Variants in CETP observed in about 807,000 individuals in gnomAD.
CETP encodes cholesteryl ester transfer protein.
A neutral mutation model predicts 66.5 loss-of-function variants in CETP; 56 were observed. That is an observed-to-expected ratio of 0.84 (90% CI 0.68 to 1.05). The LOEUF is 1.05. CETP is among the 50% of genes least tolerant of loss of function. The pLI is 0.00. For synonymous variants in CETP, 251 were observed against 245.7 expected, an observed-to-expected ratio of 1.02 and a Z score of -0.20; for missense variants, 612 against 609.6, an observed-to-expected ratio of 1.00 and a Z score of -0.04.
In CETP at chr16:56,983,790, C is replaced by T. The variant is rs541191235; in HGVS notation, c.*124C>T. On this transcript the variant is annotated 3_prime_UTR_variant, in exon 16 of 16. Transcript: ENST00000200676. ...TTAGGAGTACGGAGATGGAGATTGG[C>T]TCCCAACTCCTCCCTATCCTAAAGG... 1.4e-5 allele frequency: 12 copies of T among 845,998 alleles called. No homozygotes were observed. Among genetic ancestry groups the T allele is most frequent in the Non-Finnish European group, 2.0e-5 (10 of 494,234 alleles). 52.4% of individuals were successfully genotyped at this position (845,998 alleles called of 1,614,324 possible).
intron 2 of CETP, 24 bp from the exon 3 acceptor site, chr16:56,969,362 T>G: frequency 6.2e-7 from 1 of 1,613,088 alleles, no homozygotes; most frequent in Non-Finnish European, 8.5e-7. Context: ...CCCAACATCC[T>G]TCCTCACTTC....
Position 56,971,377 on chromosome 16 carries a change from G to C in CETP, c.654G>C (p.Arg218Ser). 1 of 1,613,960 alleles carries C rather than the reference G, an allele frequency of 6.2e-7. No homozygotes were observed. The highest frequency in any genetic ancestry group is 1.1e-5 in the South Asian group (1 of 91,080). Residue 218 changes from arginine to serine, a missense_variant, in exon 7 of 16, where the codon AGG becomes AGC. Transcript: ENST00000200676. ...SNIMADFVQT[R>S]AASILSDGDI... ...TCATGGCCGATTTTGTCCAGACAAG[G>C]GCTGGTGAGTGCGTTTCTGTCTGCA...
rs1321385247 is a variant in CETP, at chr16:56,972,137, CTT to C, written c.750+59_750+60del. On this transcript the variant is annotated intron_variant, in intron 8 of 15. Transcript: ENST00000200676. ...CCCAGCTTCCCCAGGGGAGTTGGTC[CTT>C]TTTTGTGCTCTGACAACCCCGTCCC... The C allele has an allele frequency of 6.5e-6, 9 of 1,392,900 alleles. No homozygotes were observed. In the East Asian group the frequency reaches 2.1e-4, roughly 32 times the overall value. The allele number at this position is 1,392,900 out of a possible 1,614,324, so 86.3% of individuals were successfully genotyped here. A position where few individuals can be genotyped will look rare whatever the true frequency, so the allele number is the denominator to read the frequency against.
chr16:56,979,414 A>G (rs1164991859), intron 11 of CETP, among the ~76,000 whole-genome samples: 1 of 152,140 alleles, frequency 6.6e-6, no homozygotes, highest in Non-Finnish European at 1.5e-5. Context: ...TGCCAACAAA[A>G]CTTAAGAAAA....
chr16:56,972,560 A>G (rs1282350565), intron 8 of CETP, among the ~76,000 whole-genome samples: 11 of 152,218 alleles, frequency 7.2e-5, no homozygotes. Flanking sequence ...GCAGGGTGTC[A>G]GGCACGCAGG....
chr16:56,981,305 G>C, intron 12 of CETP, 80 bp downstream of exon 12: 1 of 1,165,164 alleles, frequency 8.6e-7, no homozygotes, highest in Non-Finnish European at 1.3e-6. Flanking sequence ...ACAGGGCGGG[G>C]TGTTGGTGGG....
At chr16:56,968,204 T>A (rs1270418887) in intron 2 of CETP, among the ~76,000 whole-genome samples, 1 of 152,020 alleles carries the variant, frequency 6.6e-6, no homozygotes, top group Non-Finnish European at 1.5e-5. Flanking sequence ...ATTTTTTTTT[T>A]GGCGACAGTC....
In CETP at chr16:56,981,139, A is replaced by C. The variant is rs759882551; in HGVS notation, c.1147-19A>C. On this transcript the variant is annotated intron_variant, in intron 11 of 15. Transcript: ENST00000200676. ...CGGGAAGAGCCCTGGCTCACAGCAA[A>C]TTTGGTTTCTCTCCCCAGGATATCG... 8 of 1,600,060 alleles carry C rather than the reference A, an allele frequency of 5.0e-6. No homozygotes were observed. The African/African-American group carries it at 9.4e-5, about 19-fold the overall frequency.
At chr16:56,975,724 T>C (rs1210541701) in intron 10 of CETP, among the ~76,000 whole-genome samples, 1 of 121,970 alleles carries the variant, frequency 8.2e-6, no homozygotes, top group Non-Finnish European at 1.8e-5. Flanking sequence ...TCCCTCAGCT[T>C]TCTGGTCACC....
At position 56,962,065 on chromosome 16, in the gene CETP, T is replaced by A. The variant is rs2056027061; in HGVS notation, c.86T>A (p.Val29Glu). Residue 29 changes from valine (V) to glutamate (E), a missense_variant, in exon 1 of 16, where the codon GTG becomes GAG. Val to Glu is a moderately radical substitution (Grantham distance 121). Coordinates refer to ENST00000200676, the MANE Select transcript of CETP (RefSeq NM_000078.3). ...SKGTSHEAGI[V>E]CRITKPALLV... ...GGCACCTCGCACGAGGCAGGCATCG[T>A]GTGCCGCATCACCAAGCCTGCCCTC... 1 of 1,614,008 alleles carries A rather than the reference T, an allele frequency of 6.2e-7. No homozygotes were observed. The highest frequency in any genetic ancestry group is 8.5e-7 in the Non-Finnish European group (1 of 1,180,000).
At chr16:56,972,245 G>A (rs1373539083) in intron 8 of CETP, among the ~76,000 whole-genome samples, 162 bp downstream of exon 8, 1 of 152,124 alleles carries the variant, frequency 6.6e-6, no homozygotes, top group East Asian at 1.9e-4. Context: ...CTGATGCTGC[G>A]AGGAGGGCAG....
chr16:56,978,920 G>T (rs753655300), intron 11 of CETP, among the ~76,000 whole-genome samples: 4 of 152,194 alleles, frequency 2.6e-5, no homozygotes, highest in Non-Finnish European at 5.9e-5. Flanking sequence ...CTGCCTCCCA[G>T]GTTCCAGCGA....
intron 11 of CETP, among the ~76,000 whole-genome samples, chr16:56,979,432 A>C (rs537022654): frequency 6.6e-6 from 1 of 152,322 alleles, no homozygotes; most frequent in South Asian, 2.1e-4. Context: ...AAAAACTTGT[A>C]GTTTTCAGAT....
chr16:56,981,604 G>T, intron 12 of CETP, 43 bp from the exon 13 acceptor site: 1 of 1,608,282 alleles, frequency 6.2e-7, no homozygotes, highest in Non-Finnish European at 8.5e-7. Context: ...TTACAGGAGG[G>T]GGCCCAATGG....
intron 10 of CETP, among the ~76,000 whole-genome samples, chr16:56,975,366 T>A (rs2142001952): frequency 6.6e-6 from 1 of 152,264 alleles, no homozygotes; most frequent in East Asian, 1.9e-4. Flanking sequence ...GGTCAAACTG[T>A]CCCCATTTTA....
chr16:56,971,765 A>T (rs2056112086), intron 7 of CETP, among the ~76,000 whole-genome samples: 1 of 152,060 alleles, frequency 6.6e-6, no homozygotes, highest in African/African-American at 2.4e-5. Flanking sequence ...CAAGTCTTGG[A>T]CTCTGCTCTG....
Position 56,971,121 on chromosome 16 carries a change from C to T in CETP, c.597+19C>T. On this transcript the variant is annotated intron_variant, in intron 6 of 15. Transcript: ENST00000200676. ...GGGACAGGTGAGTGAGGCTGGCTGA[C>T]TCCCTGTGGTCCAGGGCCATGCCCA... 1 of 1,612,574 alleles carries T rather than the reference C, an allele frequency of 6.2e-7. No individual in the cohort carries two copies. Among genetic ancestry groups the T allele is most frequent in the Non-Finnish European group, 8.5e-7 (1 of 1,178,814 alleles).
At chr16:56,975,531 A>T (rs1265657973) in intron 10 of CETP, among the ~76,000 whole-genome samples, 4 of 152,164 alleles carry the variant, frequency 2.6e-5, no homozygotes, top group African/African-American at 9.7e-5. Flanking sequence ...GGGCCCCAGC[A>T]ATAAGTGACT....
intron 1 of CETP, 113 bp downstream of exon 1, chr16:56,962,210 A>G (rs2056028543): frequency 3.4e-6 from 3 of 887,048 alleles, no homozygotes; most frequent in Non-Finnish European, 3.8e-6. Context: ...ACACTAGCCC[A>G]GAGAGAGGAG....
Sources: allele counts gnomAD v4.1 joint callset (sites outside exome capture counted in the v4.1 genomes callset), GRCh38; gene constraint gnomAD v4.1.1; transcripts MANE v1.5; gene names NCBI Gene and HGNC (gene_info 2026-07-23, HGNC 2026-07-21).